SLC9C1: variants seen among roughly 807,000 people sequenced by gnomAD.
The protein encoded by SLC9C1 is sodium/hydrogen exchanger 10.
Under a neutral mutation model 140.9 loss-of-function variants are expected in SLC9C1, and 97 were observed. The ratio of observed to expected loss-of-function variants is 0.69; its 90% confidence interval spans 0.58 to 0.82. The LOEUF is 0.82. Among genes scored for constraint, SLC9C1 ranks in the 40% least tolerant of loss-of-function variants. The pLI, the probability that SLC9C1 is intolerant of heterozygous loss-of-function variation, is 0.00. For missense variants in SLC9C1, 1,340 were observed against 1,389.3 expected, an observed-to-expected ratio of 0.96 and a Z score of 0.56; for synonymous variants, 440 against 442.6, an observed-to-expected ratio of 0.99 and a Z score of 0.07.
chr3:112,219,256 T>G (rs1190606349), intron 14 of SLC9C1, among the ~76,000 whole-genome samples: 2 of 152,182 alleles, frequency 1.3e-5, no homozygotes, highest in East Asian at 3.9e-4. Context: ...CCCTGACACA[T>G]GAGGCACTCA....
At chr3:112,182,074 T>C in intron 21 of SLC9C1, 59 bp downstream of exon 21, 4 of 1,189,292 alleles carry the variant, frequency 3.4e-6, no homozygotes, top group African/African-American at 3.2e-5. Flanking sequence ...TAAATTCTTA[T>C]TTTAAAGATT....
In SLC9C1 at chr3:112,141,172, A is replaced by G. The variant is rs2074609609; in HGVS notation, c.*100T>C. On this transcript the variant is annotated 3_prime_UTR_variant, in exon 29 of 29. Coordinates refer to ENST00000305815, the MANE Select transcript of SLC9C1 (RefSeq NM_183061.3). ...ACCAAGATCATCCACACAGGATCCA[A>G]CCTGAAGTTACTCCTTCTTGATGTA... is the stretch of plus-strand genomic sequence containing the variant. The G allele has an allele frequency of 7.8e-7, 1 of 1,276,786 alleles. No individual in the cohort carries two copies. Among genetic ancestry groups the G allele is most frequent in the Non-Finnish European group, 1.0e-6 (1 of 956,892 alleles). The allele number at this position is 1,276,786 out of a possible 1,614,324, so 79.1% of individuals were successfully genotyped here. A position where few individuals can be genotyped will look rare whatever the true frequency, so the allele number is the denominator to read the frequency against.
At chr3:112,281,005 T>A (rs969622027) in intron 2 of SLC9C1, among the ~76,000 whole-genome samples, 3 of 152,218 alleles carry the variant, frequency 2.0e-5, no homozygotes, top group Non-Finnish European at 4.4e-5. Flanking sequence ...TCTCATCTCC[T>A]TAGAAACTTA....
chr3:112,228,910 T>C (rs540440476), intron 13 of SLC9C1, among the ~76,000 whole-genome samples: 1 of 151,986 alleles, frequency 6.6e-6, no homozygotes, highest in African/African-American at 2.4e-5. Flanking sequence ...ATAGCCAAGA[T>C]AAACAATCAA....
intron 28 of SLC9C1, among the ~76,000 whole-genome samples, chr3:112,145,276 T>C (rs111440088): frequency 2.0e-5 from 2 of 100,900 alleles, no homozygotes; most frequent in Non-Finnish European, 5.0e-5. Flanking sequence ...TTGCTGGATG[T>C]TGAACCAGTC....
intron 16 of SLC9C1, among the ~76,000 whole-genome samples, chr3:112,206,492 G>C (rs1553790653): frequency 6.6e-6 from 1 of 152,012 alleles, no homozygotes; most frequent in Non-Finnish European, 1.5e-5. Flanking sequence ...CCCATTACTG[G>C]GTAGATACCT....
At chr3:112,158,539 A>G (rs947449300) in intron 26 of SLC9C1, among the ~76,000 whole-genome samples, 1 of 151,918 alleles carries the variant, frequency 6.6e-6, no homozygotes, top group Admixed American at 6.6e-5. Flanking sequence ...CTAGTAGAAT[A>G]AATTTAAAAG....
At chr3:112,238,069 T>G (rs1277329179) in intron 12 of SLC9C1, among the ~76,000 whole-genome samples, 2 of 152,258 alleles carry the variant, frequency 1.3e-5, no homozygotes, top group Admixed American at 1.3e-4. Flanking sequence ...CTTGGTTCCA[T>G]TCTCCTCGTC....
At chr3:112,260,030 T>C (rs551603326) in intron 10 of SLC9C1, among the ~76,000 whole-genome samples, 3 of 152,286 alleles carry the variant, frequency 2.0e-5, no homozygotes, top group African/African-American at 7.2e-5. Flanking sequence ...TCAATGATGA[T>C]TTCAATTCTT....
chr3:112,141,152 G>T lies in SLC9C1; in HGVS notation c.*120C>A. 9.3e-7 allele frequency: 1 copy of T among 1,075,796 alleles called. No homozygotes were observed. Among genetic ancestry groups the T allele is most frequent in the Non-Finnish European group, 1.3e-6 (1 of 796,690 alleles). 66.6% of individuals were successfully genotyped at this position (1,075,796 alleles called of 1,614,324 possible). On this transcript the variant is annotated 3_prime_UTR_variant, in exon 29 of 29. Transcript: ENST00000305815. ...AAATTTCTTTTCTGCTTAGCACCAA[G>T]ATCATCCACACAGGATCCAACCTGA... is the stretch of plus-strand genomic sequence containing the variant.
intron 6 of SLC9C1, among the ~76,000 whole-genome samples, chr3:112,272,416 AT>A (rs1486017185): frequency 6.6e-6 from 1 of 152,126 alleles, no homozygotes; most frequent in Non-Finnish European, 1.5e-5. Flanking sequence ...ATCTTTCTTA[AT>A]TTTTCCCTAT....
At chr3:112,199,573 C>G in intron 19 of SLC9C1, 104 bp from the exon 20 acceptor site, 1 of 810,714 alleles carries the variant, frequency 1.2e-6, no homozygotes, top group Non-Finnish European at 1.8e-6. Flanking sequence ...GAATACCGCC[C>G]TCAACACAGA....
intron 26 of SLC9C1, among the ~76,000 whole-genome samples, chr3:112,164,752 T>G (rs1405222101): frequency 6.6e-6 from 1 of 151,902 alleles, no homozygotes; most frequent in Admixed American, 6.5e-5. Flanking sequence ...TTATGTGTCT[T>G]GGAGTTGCTC....
At chr3:112,254,725 C>T (rs2079555870) in intron 10 of SLC9C1, among the ~76,000 whole-genome samples, 1 of 152,054 alleles carries the variant, frequency 6.6e-6, no homozygotes, top group Non-Finnish European at 1.5e-5. Context: ...ATGGCAAGAT[C>T]AAATCCACAC....
intron 10 of SLC9C1, among the ~76,000 whole-genome samples, chr3:112,253,267 T>G (rs533886232): frequency 1.3e-5 from 2 of 152,196 alleles, no homozygotes; most frequent in East Asian, 3.9e-4. Flanking sequence ...TGCCGCCAAG[T>G]TGGGGAAGGC....
chr3:112,194,638 T>G (rs1285389160), intron 20 of SLC9C1, among the ~76,000 whole-genome samples: 4 of 152,218 alleles, frequency 2.6e-5, no homozygotes, highest in Non-Finnish European at 5.9e-5. Context: ...TTCTTTTGAC[T>G]ATATACCCAG....
intron 5 of SLC9C1, among the ~76,000 whole-genome samples, chr3:112,277,467 CT>C (rs575896555): frequency 1.1e-4 from 16 of 152,020 alleles, no homozygotes; most frequent in Non-Finnish European, 2.2e-4. Context: ...ATCCCCTCCC[CT>C]ATTCCACAAT....
chr3:112,212,516 C>A (rs1428970797), intron 15 of SLC9C1, among the ~76,000 whole-genome samples: 2 of 152,084 alleles, frequency 1.3e-5, no homozygotes, highest in African/African-American at 4.8e-5. Flanking sequence ...CTTAAAGGAC[C>A]TGATGGAGGT....
chr3:112,275,312 TA>T (rs753177710), intron 5 of SLC9C1, among the ~76,000 whole-genome samples: 4 of 152,148 alleles, frequency 2.6e-5, no homozygotes, highest in Non-Finnish European at 5.9e-5. Flanking sequence ...ACATGCATGA[TA>T]AATCAGATAT....
Sources: allele counts gnomAD v4.1 joint callset (sites outside exome capture counted in the v4.1 genomes callset), GRCh38; gene constraint gnomAD v4.1.1; transcripts MANE v1.5; gene names NCBI Gene and HGNC (gene_info 2026-07-23, HGNC 2026-07-21).